C11orf97: variants seen among roughly 807,000 people sequenced by gnomAD.
C11orf97 encodes the protein uncharacterized protein C11orf97.
Under a neutral mutation model 16.2 loss-of-function variants are expected in C11orf97, and 15 were observed. The observed-to-expected ratio is 0.93, with a 90% CI of 0.62 to 1.43. The LOEUF (loss-of-function observed/expected upper bound fraction) is 1.43, where lower values mean the gene tolerates loss of function less well. Among genes scored for constraint, C11orf97 ranks in the 40% most tolerant of loss-of-function variants. The pLI, the probability that C11orf97 is intolerant of heterozygous loss-of-function variation, is 0.00. For synonymous variants in C11orf97, 61 were observed against 65.7 expected (o/e 0.93, Z 0.34); for missense variants, 171 against 161.2 (o/e 1.06, Z -0.33).
intron 1 of C11orf97, among the ~76,000 whole-genome samples, chr11:94,513,218 A>G (rs907737094): frequency 6.6e-6 from 1 of 152,154 alleles, no homozygotes; most frequent in Non-Finnish European, 1.5e-5. Flanking sequence ...TTAGAATCTC[A>G]TAATTATGGG....
At chr11:94,515,901 A>T (rs1947608318) in intron 1 of C11orf97, among the ~76,000 whole-genome samples, 1 of 152,088 alleles carries the variant, frequency 6.6e-6, no homozygotes, top group Non-Finnish European at 1.5e-5. Context: ...ATCTGAACTG[A>T]GAGCAGGTGG....
At chr11:94,531,382 C>T (rs1320816702) in intron 3 of C11orf97, among the ~76,000 whole-genome samples, 1 of 151,942 alleles carries the variant, frequency 6.6e-6, no homozygotes, top group Non-Finnish European at 1.5e-5. Context: ...GGGGTTGCAG[C>T]GACCCAAGAT....
At chr11:94,514,920 C>T (rs997739039) in intron 1 of C11orf97, among the ~76,000 whole-genome samples, 2 of 152,126 alleles carry the variant, frequency 1.3e-5, no homozygotes, top group African/African-American at 4.8e-5. Flanking sequence ...GTTGGGATTA[C>T]AGGCATGAGC....
At chr11:94,523,170 A>G (rs1591748559) in intron 2 of C11orf97, among the ~76,000 whole-genome samples, 1 of 152,140 alleles carries the variant, frequency 6.6e-6, no homozygotes, top group South Asian at 2.1e-4. Flanking sequence ...ATTATTTCTT[A>G]CCCCTAGCCA....
chr11:94,521,762 C>G (rs1407063687), intron 2 of C11orf97, among the ~76,000 whole-genome samples: 1 of 152,124 alleles, frequency 6.6e-6, no homozygotes, highest in Non-Finnish European at 1.5e-5. Flanking sequence ...TTAACTTGCC[C>G]AAGGTTATGC....
At chr11:94,518,370 T>A (rs1254419956) in intron 2 of C11orf97, among the ~76,000 whole-genome samples, 1 of 151,638 alleles carries the variant, frequency 6.6e-6, no homozygotes, top group Non-Finnish European at 1.5e-5. Flanking sequence ...AGCAGATTGC[T>A]GAGCCCTACC....
intron 2 of C11orf97, among the ~76,000 whole-genome samples, chr11:94,518,180 A>G (rs1328095124): frequency 1.3e-5 from 2 of 149,128 alleles, no homozygotes; most frequent in Admixed American, 6.7e-5. Context: ...CTAGATATCA[A>G]TATGTACTTT....
intron 1 of C11orf97, among the ~76,000 whole-genome samples, chr11:94,513,133 T>A (rs141887865): frequency 6.6e-6 from 1 of 152,268 alleles, no homozygotes; most frequent in African/African-American, 2.4e-5. Context: ...CCACAGCCAG[T>A]CAGTGCAGGC....
chr11:94,525,319 C>T (rs1022375963), intron 2 of C11orf97, among the ~76,000 whole-genome samples: 8 of 152,046 alleles, frequency 5.3e-5, no homozygotes, highest in Non-Finnish European at 1.0e-4. Flanking sequence ...TTAATCTTCC[C>T]CTTACACAAC....
At chr11:94,528,384 G>A (rs529586771) in intron 3 of C11orf97, among the ~76,000 whole-genome samples, 175 bp downstream of exon 3, 10 of 152,308 alleles carry the variant, frequency 6.6e-5, no homozygotes, top group East Asian at 3.9e-4. Context: ...AACTCAAACC[G>A]TAACAATTCA....
At chr11:94,521,403 G>A (rs1452562908) in intron 2 of C11orf97, among the ~76,000 whole-genome samples, 1 of 152,230 alleles carries the variant, frequency 6.6e-6, no homozygotes, top group Non-Finnish European at 1.5e-5. Flanking sequence ...GCTGGGCAGT[G>A]GCCATGAGCC....
chr11:94,522,134 A>G (rs1947662010), intron 2 of C11orf97, among the ~76,000 whole-genome samples: 1 of 152,070 alleles, frequency 6.6e-6, no homozygotes, highest in Non-Finnish European at 1.5e-5. Context: ...ACTTTTCACT[A>G]CGGCCTCTCT....
intron 1 of C11orf97, among the ~76,000 whole-genome samples, chr11:94,516,354 A>G (rs575844198): frequency 2.0e-5 from 3 of 152,326 alleles, no homozygotes; most frequent in African/African-American, 4.8e-5. Context: ...CCTTGAATTG[A>G]GCTTTTGGAT....
chr11:94,513,008 T>C (rs1297523174), intron 1 of C11orf97, among the ~76,000 whole-genome samples: 1 of 152,202 alleles, frequency 6.6e-6, no homozygotes, highest in Non-Finnish European at 1.5e-5. Flanking sequence ...TGTATATGTA[T>C]ATGTGTATGT....
rs191348085 is a variant in C11orf97, at chr11:94,514,759, C to T, written c.145+2086C>T. 5.3e-5 allele frequency among the ~76,000 whole-genome samples: 8 copies of T among 150,620 alleles called. No individual in the cohort carries two copies. In the East Asian group the frequency reaches 9.8e-4, roughly 18 times the overall value. ...TCCTGGGTTCAAGCAATTCTTTGGCCTCAGCCTTCCAGGTAGCTGGGACCA... is the reference window on the plus strand; with the variant it reads ...TCCTGGGTTCAAGCAATTCTTTGGCTTCAGCCTTCCAGGTAGCTGGGACCA... On this transcript the variant is annotated intron_variant, in intron 1 of 3. Coordinates refer to ENST00000542198, the MANE Select transcript of C11orf97 (RefSeq NM_001190462.2).
intron 1 of C11orf97, among the ~76,000 whole-genome samples, chr11:94,516,727 A>G (rs1450430556): frequency 2.0e-5 from 3 of 152,228 alleles, no homozygotes; most frequent in African/African-American, 7.2e-5. Flanking sequence ...AGTAAGGGAA[A>G]GTTTTCCTAA....
chr11:94,531,006 C>T (rs1947734010), intron 3 of C11orf97, among the ~76,000 whole-genome samples: 1 of 152,178 alleles, frequency 6.6e-6, no homozygotes, highest in African/African-American at 2.4e-5. Flanking sequence ...TTCTCTCTTT[C>T]TCATGAACAA....
At position 94,512,641 on chromosome 11, in the gene C11orf97, C is replaced by G. The variant is rs928091547; in HGVS notation, c.113C>G (p.Pro38Arg). 1 of 1,252,506 alleles carries G rather than the reference C, an allele frequency of 8.0e-7. No individual in the cohort carries two copies. The highest frequency in any genetic ancestry group is 1.5e-5 in the African/African-American group (1 of 64,544). 77.6% of individuals were successfully genotyped at this position (1,252,506 alleles called of 1,614,324 possible). ...CTGGGGTGCGGGGCGCGCGGGGAAC[C>G]CGGCCGCGGCCCCCTAGAGCACGGC... The part of the protein sequence containing the change: ...AGLGCGARGE[P>R]GRGPLEHGQQ... Residue 38 changes from proline (P) to arginine (R), a missense_variant, in exon 1 of 4, where the codon CCC becomes CGC. By Grantham distance (103) the Pro-to-Arg change is moderately radical. Coordinates refer to ENST00000542198, the MANE Select transcript of C11orf97 (RefSeq NM_001190462.2).
chr11:94,525,931 G>T (rs962057000), intron 2 of C11orf97, among the ~76,000 whole-genome samples: 1 of 152,206 alleles, frequency 6.6e-6, no homozygotes, highest in Admixed American at 6.5e-5. Context: ...AAAAATACAC[G>T]TATAAAGGTT....
Sources: gnomAD v4.1 joint callset for allele counts (sites outside exome capture counted in the v4.1 genomes callset) on GRCh38, gnomAD v4.1.1 for gene constraint, MANE v1.5 for transcripts, NCBI Gene and HGNC (gene_info 2026-07-23, HGNC 2026-07-21) for gene names.